The following CIP2A variants were observed in gnomAD, a reference collection of about 807,000 sequenced individuals.
CIP2A encodes protein CIP2A.
A neutral mutation model predicts 110.9 loss-of-function variants in CIP2A; 103 were observed. That is an observed-to-expected ratio of 0.93 (90% CI 0.79 to 1.09). The LOEUF is 1.09. CIP2A is among the 50% of genes least tolerant of loss of function. The pLI, the probability that CIP2A is intolerant of heterozygous loss-of-function variation, is 0.00. For synonymous variants in CIP2A, 381 were observed against 361.6 expected (o/e 1.05, Z -0.61); for missense variants, 1,088 against 1,038.4 (o/e 1.05, Z -0.66).
intron 14 of CIP2A, 23 bp downstream of exon 14, chr3:108,560,626 A>G: frequency 6.7e-7 from 1 of 1,494,108 alleles, no homozygotes; most frequent in Middle Eastern, 2.1e-4. Context: ...GTACCAGGTT[A>G]TAATTGCTAT....
At position 108,560,687 on chromosome 3, in the gene CIP2A, T is replaced by C; in HGVS notation, c.1789A>G (p.Ile597Val). ...TGAAGTTTCTCTATTAATTCTTCAA[T>C]ATTCAATCCAGGAACACCATCTTTC... ...HLKDGVPGLN[I>V]EELIEKLQSG... Residue 597 changes from isoleucine (I) to valine (V), a missense_variant, in exon 14 of 21, where the codon ATT becomes GTT. Ile to Val is a conservative substitution (Grantham distance 29). Transcript: ENST00000295746. 1 of 1,609,842 alleles carries C rather than the reference T, an allele frequency of 6.2e-7. No homozygotes were observed. The highest frequency in any genetic ancestry group is 8.5e-7 in the Non-Finnish European group (1 of 1,178,290).
chr3:108,560,118 A>G, intron 14 of CIP2A, 90 bp from the exon 15 acceptor site: 1 of 706,942 alleles, frequency 1.4e-6, no homozygotes, highest in South Asian at 1.8e-5. Flanking sequence ...CTAAATCATT[A>G]AAACTTAATG....
chr3:108,585,944 A>C (rs1939028757), intron 1 of CIP2A, among the ~76,000 whole-genome samples: 1 of 151,974 alleles, frequency 6.6e-6, no homozygotes, highest in African/African-American at 2.4e-5. Context: ...AGAAGAGAGG[A>C]GGTAAAGCTG....
chr3:108,581,381 A>C, intron 5 of CIP2A, 34 bp downstream of exon 5: 4 of 1,436,402 alleles, frequency 2.8e-6, no homozygotes, highest in Non-Finnish European at 2.9e-6. Context: ...TCTACCATAA[A>C]ACAAGAAACA....
In CIP2A at chr3:108,560,934, T is replaced by A. The variant is rs1038838375; in HGVS notation, c.1635-93A>T. 1.7e-5 allele frequency: 13 copies of A among 747,714 alleles called. No individual in the cohort carries two copies. The African/African-American group carries it at 2.4e-4, about 14-fold the overall frequency. The allele number at this position is 747,714 out of a possible 1,614,324, so 46.3% of individuals were successfully genotyped here. ...GAATTAGGGAATTTTTAAGAATGGGTCCTTTTTTTGAATAGAAGTCTTCAA... is the reference window on the plus strand; with the variant it reads ...GAATTAGGGAATTTTTAAGAATGGGACCTTTTTTTGAATAGAAGTCTTCAA... On this transcript the variant is annotated intron_variant, in intron 13 of 20. Transcript: ENST00000295746.
intron 10 of CIP2A, among the ~76,000 whole-genome samples, chr3:108,567,083 C>T (rs1398858536): frequency 1.3e-5 from 2 of 151,758 alleles, no homozygotes; most frequent in East Asian, 1.9e-4. Flanking sequence ...ATCCCTACTG[C>T]AGTGGTTCTC....
At chr3:108,581,370 A>T (rs1313687647) in intron 5 of CIP2A, 45 bp downstream of exon 5, 1 of 1,316,206 alleles carries the variant, frequency 7.6e-7, no homozygotes, top group Non-Finnish European at 1.1e-6. Flanking sequence ...TAAGCAGAGA[A>T]TCTACCATAA....
rs1446507247 is a variant in CIP2A at position 108,559,979 on chromosome 3, T to C, written c.1877A>G (p.Tyr626Cys). ...DVRISDIMDV[Y>C]EMKLSTLASK... ...AGCTAATGTGGATAGTTTCATTTCA[T>C]ATACATCCATTATGTCAGATATTCT... The change falls in exon 15 of 21, where the codon TAT becomes TGT. Residue 626 changes from tyrosine to cysteine, a missense_variant. Tyr to Cys is a radical substitution (Grantham distance 194). Coordinates refer to ENST00000295746, the MANE Select transcript of CIP2A (RefSeq NM_020890.3). 1 of 1,602,690 alleles carries C rather than the reference T, an allele frequency of 6.2e-7. No individual in the cohort carries two copies. Among genetic ancestry groups the C allele is most frequent in the Non-Finnish European group, 8.5e-7 (1 of 1,171,196 alleles).
intron 16 of CIP2A, among the ~76,000 whole-genome samples, chr3:108,559,086 CAGGT>C (rs1019083347): frequency 7.2e-5 from 11 of 151,962 alleles, no homozygotes; most frequent in Non-Finnish European, 1.3e-4. Context: ...TAGAAGACTA[CAGGT>C]AGGAAGACTA....
chr3:108,564,030 C>G (rs537081927), intron 12 of CIP2A, among the ~76,000 whole-genome samples: 1 of 151,874 alleles, frequency 6.6e-6, no homozygotes, highest in South Asian at 2.1e-4. Context: ...AGTTTGACTC[C>G]TTTAAAAATA....
chr3:108,583,644 T>C (rs181029943), intron 2 of CIP2A, among the ~76,000 whole-genome samples: 1 of 151,936 alleles, frequency 6.6e-6, no homozygotes, highest in African/African-American at 2.4e-5. Flanking sequence ...GTGGGGGAGA[T>C]GAAGACAGAT....
In CIP2A at chr3:108,569,177, T is replaced by TATATATATATATAC. The variant is rs374983042; in HGVS notation, c.1113+211_1113+212insGTATATATATATAT. ...TACACTGAAATGAGCACTATATATA[T>TATATATATATATAC]ATATACATACACACTACTCAGTGAA... On this transcript the variant is annotated intron_variant, in intron 9 of 20. Coordinates refer to ENST00000295746, the MANE Select transcript of CIP2A (RefSeq NM_020890.3). Among the ~76,000 whole-genome samples the TATATATATATATAC allele has an allele frequency of 2.2e-4, 15 of 69,030 alleles. 3 individuals are homozygous for TATATATATATATAC. Among genetic ancestry groups the TATATATATATATAC allele is most frequent in the African/African-American group, 4.1e-4 (9 of 21,808 alleles). The allele number at this position is 69,030 out of a possible 152,430, so 45.3% of individuals were successfully genotyped here. A position where few individuals can be genotyped will look rare whatever the true frequency, so the allele number is the denominator to read the frequency against.
chr3:108,569,177 T>TATATATATATATATATATAC lies in CIP2A; in HGVS notation c.1113+211_1113+212insGTATATATATATATATATAT, dbSNP rs374983042. ...TACACTGAAATGAGCACTATATATA[T>TATATATATATATATATATAC]ATATACATACACACTACTCAGTGAA... On this transcript the variant is annotated intron_variant, in intron 9 of 20. Coordinates refer to ENST00000295746, the MANE Select transcript of CIP2A (RefSeq NM_020890.3). 1.6e-4 allele frequency among the ~76,000 whole-genome samples: 11 copies of TATATATATATATATATATAC among 69,034 alleles called. 2 individuals are homozygous for TATATATATATATATATATAC. The highest frequency in any genetic ancestry group is 4.6e-4 in the African/African-American group (10 of 21,772). The allele number at this position is 69,034 out of a possible 152,430, so 45.3% of individuals were successfully genotyped here. A position where few individuals can be genotyped will look rare whatever the true frequency, so the allele number is the denominator to read the frequency against.
intron 8 of CIP2A, among the ~76,000 whole-genome samples, chr3:108,571,572 G>A (rs138748431): frequency 0.017 from 2,527 of 152,236 alleles, 43 homozygotes; most frequent in Non-Finnish European, 0.021. Context: ...TATAAACATA[G>A]AAGCAGATAG....
rs990658667 is a variant in CIP2A at position 108,560,700 on chromosome 3, A to G, written c.1776T>C (p.Val592=). Residue 592 remains valine (V), a synonymous_variant, in exon 14 of 21, where the codon GTT becomes GTC. Transcript: ENST00000295746. ...KCLTPHLKDG[V]PGLNIEELIE... ...TTAATTCTTCAATATTCAATCCAGG[A>G]ACACCATCTTTCAAATGAGGAGTTA... 3.7e-6 allele frequency: 6 copies of G among 1,610,736 alleles called. No individual in the cohort carries two copies. The African/African-American group carries it at 8.0e-5, about 22-fold the overall frequency.
chr3:108,561,189 T>C (rs1295123916), intron 13 of CIP2A, among the ~76,000 whole-genome samples: 1 of 152,158 alleles, frequency 6.6e-6, no homozygotes, highest in Admixed American at 6.5e-5. Flanking sequence ...ACGTCCTTAG[T>C]CCTTTTCCTT....
intron 16 of CIP2A, among the ~76,000 whole-genome samples, chr3:108,558,640 G>C (rs1937893419): frequency 1.3e-5 from 2 of 152,110 alleles, no homozygotes; most frequent in Admixed American, 1.3e-4. Flanking sequence ...ATACACAGAG[G>C]AAGGATCGTC....
At chr3:108,581,953 T>A (rs1938894827) in intron 4 of CIP2A, among the ~76,000 whole-genome samples, 155 bp downstream of exon 4, 1 of 152,178 alleles carries the variant, frequency 6.6e-6, no homozygotes, top group South Asian at 2.1e-4. Flanking sequence ...CAACTTTTGA[T>A]CCTTAAAATC....
At chr3:108,588,195 C>T (rs1939146133) in intron 1 of CIP2A, among the ~76,000 whole-genome samples, 1 of 152,218 alleles carries the variant, frequency 6.6e-6, no homozygotes. Flanking sequence ...TATTCTGCGG[C>T]TTCTGGAGCC....
Sources: gnomAD v4.1 joint callset for allele counts (sites outside exome capture counted in the v4.1 genomes callset) on GRCh38, gnomAD v4.1.1 for gene constraint, MANE v1.5 for transcripts, NCBI Gene and HGNC (gene_info 2026-07-23, HGNC 2026-07-21) for gene names.